DSC2: variants seen among roughly 807,000 people sequenced by gnomAD.
The protein encoded by DSC2 is desmocollin 2.
DSC2 carries 51 observed loss-of-function variants against 87.6 expected under a neutral mutation model. The ratio of observed to expected loss-of-function variants is 0.58; its 90% confidence interval spans 0.46 to 0.74. DSC2 has a LOEUF of 0.74. Among genes scored for constraint, DSC2 ranks in the 30% least tolerant of loss-of-function variants. The pLI, the probability that DSC2 is intolerant of heterozygous loss-of-function variation, is 0.00. For missense variants in DSC2, 1,066 were observed against 1,089.5 expected (o/e 0.98, Z 0.30); for synonymous variants, 383 against 393.2 (o/e 0.97, Z 0.31).
At position 31,074,828 on chromosome 18, in the gene DSC2, T is replaced by A. The variant is rs757242566; in HGVS notation, c.1743A>T (p.Thr581=). The A allele has an allele frequency of 1.2e-5, 19 of 1,613,898 alleles. No individual in the cohort carries two copies. In the South Asian group the frequency reaches 2.1e-4, roughly 18 times the overall value. The change falls in exon 12 of 16, where the codon ACA becomes ACT. Residue 581 remains threonine (T), a synonymous_variant. Transcript: ENST00000280904. The part of the protein sequence containing the change: ...NDNSPFIPKK[T]VIICKPTMSS... ...ACATGGTGGGTTTGCAGATGATCAC[T>A]GTCTTTTTAGGTATGAATGGGCTGT...
Position 31,074,670 on chromosome 18 carries a change from C to A in DSC2, c.1888+13G>T, listed in dbSNP as rs764598134. 1 of 1,611,574 alleles carries A rather than the reference C, an allele frequency of 6.2e-7. No homozygotes were observed. Among genetic ancestry groups the A allele is most frequent in the Admixed American group, 1.7e-5 (1 of 59,866 alleles). On this transcript the variant is annotated intron_variant, in intron 12 of 15. Transcript: ENST00000280904. ...ATGTTGAAAAGGACAAAGCAATTTTCAAAAATATATACCATTAATTGCTTT... is the reference window on the plus strand; with the variant it reads ...ATGTTGAAAAGGACAAAGCAATTTTAAAAAATATATACCATTAATTGCTTT...
chr18:31,074,958 C>T (rs1465893013), intron 11 of DSC2, 51 bp from the exon 12 acceptor site: 1 of 1,530,536 alleles, frequency 6.5e-7, no homozygotes, highest in Non-Finnish European at 8.9e-7. Context: ...GTTTTCACCA[C>T]AAAAGTATGC....
intron 1 of DSC2, among the ~76,000 whole-genome samples, chr18:31,099,511 C>A (rs1987866121): frequency 6.9e-6 from 1 of 143,918 alleles, no homozygotes. Context: ...TCATTTTTAC[C>A]AAACCAAAAA....
intron 14 of DSC2, 28 bp from the exon 15 acceptor site, chr18:31,069,179 A>G: frequency 6.2e-7 from 1 of 1,613,840 alleles, no homozygotes; most frequent in Non-Finnish European, 8.5e-7. Flanking sequence ...TGCATTAGGG[A>G]TAATACAGAG....
rs1986474968 is a variant in DSC2, at chr18:31,060,228, C to T, written c.*7787G>A. On this transcript the variant is annotated 3_prime_UTR_variant, in exon 16 of 16. Coordinates refer to ENST00000280904, the MANE Select transcript of DSC2 (RefSeq NM_024422.6). ...CTTGCATGTGAGTAGAATCTTTACA[C>T]TATTCTCTTACTTCTTTTGGATAAA... 1 of 152,106 alleles carries T rather than the reference C, an allele frequency of 6.6e-6. No individual in the cohort carries two copies. The highest frequency in any genetic ancestry group is 2.1e-4 in the South Asian group (1 of 4,830). 9.4% of individuals were successfully genotyped at this position (152,106 alleles called of 1,614,324 possible).
In DSC2 at chr18:31,067,981, A is replaced by C. The variant is rs762931109; in HGVS notation, c.*34T>G. The C allele has an allele frequency of 3.1e-6, 5 of 1,606,676 alleles. No homozygotes were observed. Among genetic ancestry groups the C allele is most frequent in the Non-Finnish European group, 4.3e-6 (5 of 1,174,012 alleles). ...TTGTAATTTTTTTTAAAAGTCATAAAGCCACTGGCTTTCAGAGACTTATTA... is the reference window on the plus strand; with the variant it reads ...TTGTAATTTTTTTTAAAAGTCATAACGCCACTGGCTTTCAGAGACTTATTA... On this transcript the variant is annotated 3_prime_UTR_variant, in exon 16 of 16. Transcript: ENST00000280904.
rs1986597168 is a variant in DSC2 at position 31,065,672 on chromosome 18, A to G, written c.*2343T>C. ...GGAAGAAGCCAAGGAAGGGATTGAC[A>G]GGGAGAATCTAAAATACACATAATT... On this transcript the variant is annotated 3_prime_UTR_variant, in exon 16 of 16. Coordinates refer to ENST00000280904, the MANE Select transcript of DSC2 (RefSeq NM_024422.6). 1 of 151,770 alleles carries G rather than the reference A, an allele frequency of 6.6e-6. No individual in the cohort carries two copies. Among genetic ancestry groups the G allele is most frequent in the Non-Finnish European group, 1.5e-5 (1 of 67,774 alleles). The allele number at this position is 151,770 out of a possible 1,614,324, so 9.4% of individuals were successfully genotyped here.
intron 5 of DSC2, among the ~76,000 whole-genome samples, chr18:31,089,158 C>G (rs1369236878): frequency 1.1e-5 from 1 of 93,928 alleles, no homozygotes; most frequent in Non-Finnish European, 2.1e-5. Flanking sequence ...AAGTGAGATG[C>G]TGTCTCAAAA....
chr18:31,101,288 C>T, intron 1 of DSC2: 1 of 981,474 alleles, frequency 1.0e-6, no homozygotes, highest in Non-Finnish European at 1.2e-6. Flanking sequence ...CCGCCACTTC[C>T]CCCCGCCCTT....
At chr18:31,101,215 G>A in intron 1 of DSC2, 1 of 985,256 alleles carries the variant, frequency 1.0e-6, no homozygotes. Flanking sequence ...CTGTACAAAT[G>A]CTCACCTAGG....
chr18:31,086,907 T>A (rs1238902405), intron 6 of DSC2, among the ~76,000 whole-genome samples, 165 bp from the exon 7 acceptor site: 1 of 152,224 alleles, frequency 6.6e-6, no homozygotes, highest in Non-Finnish European at 1.5e-5. Flanking sequence ...TATCACTTCC[T>A]TTCAAATATT....
chr18:31,070,623 C>T (rs1986790221), intron 14 of DSC2, 103 bp downstream of exon 14: 2 of 1,514,166 alleles, frequency 1.3e-6, no homozygotes, highest in Non-Finnish European at 9.1e-7. Flanking sequence ...TGGTAAATTG[C>T]CTGATACCAA....
intron 13 of DSC2, among the ~76,000 whole-genome samples, chr18:31,071,129 T>C (rs1301584476): frequency 1.3e-5 from 2 of 152,014 alleles, no homozygotes; most frequent in Non-Finnish European, 2.9e-5. Flanking sequence ...CTATAATAAC[T>C]AAGACACTAG....
Position 31,080,173 on chromosome 18 carries a change from T to C in DSC2, c.1443A>G (p.Lys481=), listed in dbSNP as rs1421485337. The part of the protein sequence containing the change: ...CNPPIQTVRM[K]ENAEVGTTSN... ...TTGTTGTTCCCACTTCTGCATTTTC[T>C]TTCATGCGAACAGTCTGTATTGGAG... Residue 481 remains lysine (K), a synonymous_variant, in exon 10 of 16, where the codon AAA becomes AAG. Coordinates refer to ENST00000280904, the MANE Select transcript of DSC2 (RefSeq NM_024422.6). 1.2e-6 allele frequency: 2 copies of C among 1,614,028 alleles called. No homozygotes were observed. Among genetic ancestry groups the C allele is most frequent in the African/African-American group, 2.7e-5 (2 of 74,912 alleles).
intron 9 of DSC2, 110 bp from the exon 10 acceptor site, chr18:31,080,462 A>G: frequency 7.7e-7 from 1 of 1,292,526 alleles, no homozygotes; most frequent in Non-Finnish European, 1.1e-6. Context: ...CATGTTGGGA[A>G]TAACCACGAG....
In DSC2 at chr18:31,067,948, T is replaced by C; in HGVS notation, c.*67A>G. 2.0e-6 allele frequency: 3 copies of C among 1,482,790 alleles called. No homozygotes were observed. Among genetic ancestry groups the C allele is most frequent in the East Asian group, 2.3e-5 (1 of 43,486 alleles). The allele number at this position is 1,482,790 out of a possible 1,614,324, so 91.9% of individuals were successfully genotyped here. A position where few individuals can be genotyped will look rare whatever the true frequency, so the allele number is the denominator to read the frequency against. On this transcript the variant is annotated 3_prime_UTR_variant, in exon 16 of 16. Transcript: ENST00000280904. ...AAATAGCATCTTCTGCTTTAAAAAA[T>C]TCTTGGTTTGTAATTTTTTTTAAAA...
chr18:31,079,399 G>A (rs946898062), intron 11 of DSC2, among the ~76,000 whole-genome samples: 57 of 152,094 alleles, frequency 3.7e-4, no homozygotes, highest in East Asian at 3.9e-4. Flanking sequence ...GATTACAGGT[G>A]CATGCCACTA....
At chr18:31,097,215 G>C (rs528149900) in intron 1 of DSC2, among the ~76,000 whole-genome samples, 1 of 151,308 alleles carries the variant, frequency 6.6e-6, no homozygotes, top group East Asian at 1.9e-4. Flanking sequence ...GTGAACCCGA[G>C]AGGCAGAGCT....
intron 7 of DSC2, among the ~76,000 whole-genome samples, chr18:31,085,440 G>A (rs534221456): frequency 6.6e-6 from 1 of 151,442 alleles, no homozygotes; most frequent in African/African-American, 2.4e-5. Flanking sequence ...AATTTTAACT[G>A]TTAACATGTA....
Sources: allele counts gnomAD v4.1 joint callset (sites outside exome capture counted in the v4.1 genomes callset), GRCh38; gene constraint gnomAD v4.1.1; transcripts MANE v1.5; gene names NCBI Gene and HGNC (gene_info 2026-07-23, HGNC 2026-07-21).